CPLX1: variants seen among roughly 807,000 people sequenced by gnomAD.
The protein encoded by CPLX1 is complexin-1.
Under a neutral mutation model 15.6 loss-of-function variants are expected in CPLX1, and 6 were observed. That is an observed-to-expected ratio of 0.39 (90% confidence interval 0.21 to 0.76). The LOEUF (loss-of-function observed/expected upper bound fraction) is 0.76, where lower values mean the gene tolerates loss of function less well. Ranked by LOEUF, CPLX1 falls within the 30% of genes least tolerant of loss-of-function variation. The pLI is 0.43. For missense variants in CPLX1, 242 were observed against 188.6 expected, an observed-to-expected ratio of 1.28 and a Z score of -1.66; for synonymous variants, 91 against 75.2, an observed-to-expected ratio of 1.21 and a Z score of -1.08.
At chr4:812,211 A>T (rs1337538341) in intron 2 of CPLX1, among the ~76,000 whole-genome samples, 2 of 152,208 alleles carry the variant, frequency 1.3e-5, no homozygotes, top group South Asian at 4.2e-4. Context: ...AGTAGCTGGG[A>T]CTACAGGCGC....
chr4:821,991 A>G (rs1042855908), intron 2 of CPLX1, among the ~76,000 whole-genome samples: 1 of 152,106 alleles, frequency 6.6e-6, no homozygotes, highest in Non-Finnish European at 1.5e-5. Flanking sequence ...GCACCCTCTG[A>G]CGGGCGTGCA....
At chr4:808,326 G>C (rs953263576) in intron 2 of CPLX1, among the ~76,000 whole-genome samples, 3 of 152,114 alleles carry the variant, frequency 2.0e-5, no homozygotes, top group Non-Finnish European at 2.9e-5. Flanking sequence ...AAACGAGTTG[G>C]AAAATATTAA....
intron 2 of CPLX1, among the ~76,000 whole-genome samples, chr4:810,569 G>T (rs1045239936): frequency 1.3e-5 from 2 of 152,180 alleles, no homozygotes; most frequent in South Asian, 4.1e-4. Context: ...GCAGCATCTC[G>T]CTGTGGTGTG....
chr4:810,216 A>AT (rs1746640789), intron 2 of CPLX1, among the ~76,000 whole-genome samples: 1 of 150,262 alleles, frequency 6.7e-6, no homozygotes, highest in South Asian at 2.1e-4. Context: ...CGCCCGGCTA[A>AT]TTTTTTGTAT....
chr4:814,301 C>T (rs541819530), intron 2 of CPLX1, among the ~76,000 whole-genome samples: 1 of 152,282 alleles, frequency 6.6e-6, no homozygotes, highest in African/African-American at 2.4e-5. Context: ...CAACCTCTGC[C>T]TCCTGGGTTC....
chr4:816,514 G>A (rs565726964), intron 2 of CPLX1, among the ~76,000 whole-genome samples: 9 of 152,124 alleles, frequency 5.9e-5, no homozygotes, highest in African/African-American at 1.9e-4. Flanking sequence ...CACTGCGCCC[G>A]GCCAAAAATA....
chr4:802,987 A>G (rs1310506632), intron 2 of CPLX1, among the ~76,000 whole-genome samples: 8 of 152,068 alleles, frequency 5.3e-5, no homozygotes, highest in Non-Finnish European at 7.4e-5. Context: ...AGCATGAAAG[A>G]TAAACACTAG....
intron 2 of CPLX1, among the ~76,000 whole-genome samples, chr4:822,107 C>A (rs1456107381): frequency 2.8e-5 from 4 of 144,822 alleles, no homozygotes; most frequent in Admixed American, 6.9e-5. Flanking sequence ...CTCTGTCTCT[C>A]CCTCTGTCTC....
rs542328868 is a variant in CPLX1 at position 811,811 on chromosome 4, C to A, written c.31+12681G>T. Among the ~76,000 whole-genome samples the A allele has an allele frequency of 1.5e-3, 232 of 152,310 alleles. 2 individuals carry two copies. The highest frequency in any genetic ancestry group is 6.8e-3 in the Middle Eastern group (2 of 294). On this transcript the variant is annotated intron_variant, in intron 2 of 3. Transcript: ENST00000304062. The stretch of plus-strand genomic sequence containing the variant: ...TCCTTTGAGTTGAGTATCTCCAGCT[C>A]AAACAGTGGGTTTGTATGTTTCTCC...
At chr4:802,471 T>C (rs757493485) in intron 2 of CPLX1, among the ~76,000 whole-genome samples, 10 of 152,190 alleles carry the variant, frequency 6.6e-5, no homozygotes, top group Non-Finnish European at 1.2e-4. Flanking sequence ...CACTATCAAA[T>C]TGATCAGAAG....
chr4:790,320 G>A (rs1278881353), intron 3 of CPLX1, among the ~76,000 whole-genome samples: 2 of 152,202 alleles, frequency 1.3e-5, no homozygotes, highest in African/African-American at 4.8e-5. Flanking sequence ...TTAGACCAAG[G>A]CAGGATCGCA....
At chr4:792,156 G>GC (rs920084835) in intron 3 of CPLX1, among the ~76,000 whole-genome samples, 23 of 152,214 alleles carry the variant, frequency 1.5e-4, no homozygotes, top group African/African-American at 5.5e-4. Flanking sequence ...CAGGCAGCCA[G>GC]CCAGGCTCCA....
intron 2 of CPLX1, among the ~76,000 whole-genome samples, chr4:805,494 CTTG>C (rs775231270): frequency 6.6e-5 from 10 of 152,316 alleles, no homozygotes; most frequent in South Asian, 2.1e-4. Flanking sequence ...AACCCTGTGC[CTTG>C]TTGTTGGGAA....
intron 2 of CPLX1, among the ~76,000 whole-genome samples, chr4:818,793 G>T (rs560867713): frequency 1.3e-5 from 2 of 152,368 alleles, no homozygotes; most frequent in Non-Finnish European, 1.5e-5. Flanking sequence ...CGAGGACCAG[G>T]TGCTGTATTG....
chr4:804,462 A>G (rs1746516588), intron 2 of CPLX1, among the ~76,000 whole-genome samples: 1 of 152,224 alleles, frequency 6.6e-6, no homozygotes, highest in Admixed American at 6.5e-5. Flanking sequence ...ACGAAAATAT[A>G]ACCTACTTAG....
intron 1 of CPLX1, chr4:824,935 C>T (rs943109586): frequency 4.0e-5 from 15 of 376,772 alleles, no homozygotes; most frequent in Non-Finnish European, 7.2e-5. Flanking sequence ...CTGCTCCGCT[C>T]TGCAGCTCAG....
chr4:805,523 C>T (rs935270372), intron 2 of CPLX1, among the ~76,000 whole-genome samples: 18 of 152,338 alleles, frequency 1.2e-4, no homozygotes, highest in Non-Finnish European at 1.9e-4. Context: ...AACAGCACAG[C>T]TGCTGTGGAA....
intron 2 of CPLX1, among the ~76,000 whole-genome samples, chr4:805,543 CT>C (rs1161484696): frequency 1.3e-5 from 2 of 152,230 alleles, no homozygotes; most frequent in African/African-American, 4.8e-5. Context: ...AACAGTCTGG[CT>C]GTTCCTCAAA....
At chr4:811,153 C>T (rs1187280436) in intron 2 of CPLX1, among the ~76,000 whole-genome samples, 1 of 152,152 alleles carries the variant, frequency 6.6e-6, no homozygotes, top group East Asian at 1.9e-4. Context: ...GGGCACACTG[C>T]CATGCCCAGC....
Sources: allele counts gnomAD v4.1 joint callset (sites outside exome capture counted in the v4.1 genomes callset), GRCh38; gene constraint gnomAD v4.1.1; transcripts MANE v1.5; gene names NCBI Gene and HGNC (gene_info 2026-07-23, HGNC 2026-07-21).